MYB: variants seen among roughly 807,000 people sequenced by gnomAD.
The protein encoded by MYB is MYB proto-oncogene, transcription factor.
A neutral mutation model predicts 92.9 loss-of-function variants in MYB; 28 were observed. The ratio of observed to expected loss-of-function variants is 0.30; its 90% CI spans 0.22 to 0.41. The LOEUF (loss-of-function observed/expected upper bound fraction) is 0.41. MYB is among the 10% of genes least tolerant of loss of function. MYB has a pLI of 1.00. For missense variants in MYB, 679 were observed against 929.3 expected, an observed-to-expected ratio of 0.73 and a Z score of 3.50; for synonymous variants, 295 against 329.1, an observed-to-expected ratio of 0.90 and a Z score of 1.12.
chr6:135,208,163 C>T (rs1422636223), intron 15 of MYB, among the ~76,000 whole-genome samples: 4 of 145,060 alleles, frequency 2.8e-5, no homozygotes, highest in Non-Finnish European at 6.0e-5. Flanking sequence ...ACTGCAACCT[C>T]CACCTCTTGG....
intron 9 of MYB, 170 bp from the exon 10 acceptor site, chr6:135,196,791 C>T: frequency 6.4e-7 from 1 of 1,554,752 alleles, no homozygotes; most frequent in Non-Finnish European, 8.7e-7. Context: ...CCACTAGACC[C>T]TGCTCTACTG....
intron 3 of MYB, 35 bp from the exon 4 acceptor site, chr6:135,189,756 A>G (rs1003208106): frequency 1.6e-5 from 25 of 1,569,100 alleles, no homozygotes; most frequent in South Asian, 2.2e-5. Flanking sequence ...TTATCACATC[A>G]TATCTTTATG....
At chr6:135,213,504 GTTGATAATAC>G (rs767103828) in intron 15 of MYB, among the ~76,000 whole-genome samples, 61 of 152,272 alleles carry the variant, frequency 4.0e-4, no homozygotes, top group African/African-American at 1.4e-3. Context: ...AATAGATTCA[GTTGATAATAC>G]TTAGTACTAG....
chr6:135,198,785 A>T (rs1249535000), intron 10 of MYB, 123 bp from the exon 11 acceptor site: 2 of 728,484 alleles, frequency 2.7e-6, no homozygotes, highest in Non-Finnish European at 4.4e-6. Context: ...GCTTGTTAGC[A>T]TCTTTATTAT....
chr6:135,193,330 A>G (rs1776872610), intron 6 of MYB, among the ~76,000 whole-genome samples: 1 of 152,222 alleles, frequency 6.6e-6, no homozygotes, highest in Non-Finnish European at 1.5e-5. Context: ...TATGCAAAAC[A>G]TGTTCATAAA....
chr6:135,197,418 T>C (rs1456559874), intron 10 of MYB, 95 bp downstream of exon 10: 1 of 1,120,376 alleles, frequency 8.9e-7, no homozygotes, highest in Non-Finnish European at 1.3e-6. Context: ...AATGACTAAT[T>C]ACTGCTGCCT....
At chr6:135,184,322 C>CTTTTT in intron 1 of MYB, among the ~76,000 whole-genome samples, 21 of 68,408 alleles carry the variant, frequency 3.1e-4, no homozygotes, top group Non-Finnish European at 3.4e-4. Flanking sequence ...GGCTTTATAG[C>CTTTTT]TTTTTTTTTT....
intron 1 of MYB, among the ~76,000 whole-genome samples, chr6:135,183,625 C>G (rs1040260954): frequency 2.6e-5 from 4 of 152,190 alleles, no homozygotes; most frequent in Admixed American, 2.0e-4. Context: ...TTAGAGCAAG[C>G]AAATCGCATG....
intron 2 of MYB, among the ~76,000 whole-genome samples, chr6:135,186,287 C>T (rs1455392541): frequency 1.3e-5 from 2 of 152,194 alleles, no homozygotes; most frequent in Non-Finnish European, 2.9e-5. Context: ...TTTTGTCCCA[C>T]CTCTTCTTCC....
intron 11 of MYB, 134 bp from the exon 12 acceptor site, chr6:135,199,951 A>T: frequency 1.5e-6 from 1 of 683,714 alleles, no homozygotes; most frequent in Non-Finnish European, 2.5e-6. Flanking sequence ...TAACGTGATT[A>T]ATCAGCACAC....
chr6:135,204,608 G>T (rs80199679), intron 15 of MYB, among the ~76,000 whole-genome samples: 1 of 152,134 alleles, frequency 6.6e-6, no homozygotes, highest in Non-Finnish European at 1.5e-5. Flanking sequence ...TAGCCAGTGC[G>T]TAGTATTATT....
At position 135,197,148 on chromosome 6, in the gene MYB, C is replaced by A; in HGVS notation, c.1391C>A (p.Pro464His). The A allele has an allele frequency of 6.2e-7, 1 of 1,613,980 alleles. No individual in the cohort carries two copies. The highest frequency in any genetic ancestry group is 8.5e-7 in the Non-Finnish European group (1 of 1,179,882). Residue 464 changes from proline (P) to histidine (H), a missense_variant, in exon 10 of 16, where the codon CCC becomes CAC. Physicochemically the swap from Pro to His is moderately conservative, Grantham distance 77. Transcript: ENST00000341911. ...TTGAGTGAGAGTTCACTTGACCCACCCAAGGTCTTACCTCCTGCAAGGCAC... is the reference window on the plus strand; with the variant it reads ...TTGAGTGAGAGTTCACTTGACCCACACAAGGTCTTACCTCCTGCAAGGCAC... ...RMLSESSLDP[P>H]KVLPPARHST...
In MYB at chr6:135,190,375, T is replaced by A. The variant is rs775518401; in HGVS notation, c.527+28T>A. 6.4e-7 allele frequency: 1 copy of A among 1,565,010 alleles called. No homozygotes were observed. The highest frequency in any genetic ancestry group is 8.8e-7 in the Non-Finnish European group (1 of 1,137,430). On this transcript the variant is annotated intron_variant, in intron 5 of 15. Coordinates refer to ENST00000341911, the MANE Select transcript of MYB (RefSeq NM_001130173.2). The surrounding 1 kb of genome is among the most constrained non-coding windows in gnomAD (Gnocchi z 4.5). ...AATAATATGTCAAAAAATATATTGA[T>A]CGGGAAGAATGAGGGAGTGGGTATT...
In MYB at chr6:135,192,499, A is replaced by G; in HGVS notation, c.703A>G (p.Thr235Ala). The G allele has an allele frequency of 6.2e-7, 1 of 1,614,258 alleles. No individual in the cohort carries two copies. Among genetic ancestry groups the G allele is most frequent in the Non-Finnish European group, 8.5e-7 (1 of 1,180,036 alleles). The change falls in exon 6 of 16, where the codon ACT becomes GCT. Residue 235 changes from threonine (T) to alanine (A), a missense_variant. Around this residue, in one of 8 missense-constraint regions of MYB, gnomAD observed 32 missense variants for 29.9 expected, o/e 1.07. Transcript: ENST00000341911. ...QAPPTAQLPA[T>A]GQPTVNNDYS... ...TCCGCCTACAGCTCAACTCCCTGCC[A>G]CTGGCCAGCCCACTGTTAACAACGA...
chr6:135,194,954 T>G lies in MYB; in HGVS notation c.948+494T>G, dbSNP rs528291785. On this transcript the variant is annotated intron_variant, in intron 8 of 15. Transcript: ENST00000341911. The stretch of plus-strand genomic sequence containing the variant: ...AGCTGCTCTCTTTTATTTGCATGTG[T>G]GAAAGTTATGTGGGCCATTACTGAA... 2.3e-6 allele frequency: 3 copies of G among 1,330,152 alleles called. No homozygotes were observed. The Admixed American group carries it at 6.1e-5, about 27-fold the overall frequency. The allele number at this position is 1,330,152 out of a possible 1,614,324, so 82.4% of individuals were successfully genotyped here. A position where few individuals can be genotyped will look rare whatever the true frequency, so the allele number is the denominator to read the frequency against.
In MYB at chr6:135,196,050, G is replaced by T. The variant is rs755821700; in HGVS notation, c.1203+48G>T. ...GTTAACGATTCTGGAAGATAAATTA[G>T]AAAACCCATTTCTTAAATCATTGCC... On this transcript the variant is annotated intron_variant, in intron 9 of 15. Transcript: ENST00000341911. 4.4e-6 allele frequency: 7 copies of T among 1,576,884 alleles called. No individual in the cohort carries two copies. In the African/African-American group the frequency reaches 9.5e-5, roughly 21 times the overall value.
At chr6:135,186,571 C>G (rs1476273182) in intron 2 of MYB, among the ~76,000 whole-genome samples, 1 of 152,162 alleles carries the variant, frequency 6.6e-6, no homozygotes, top group Non-Finnish European at 1.5e-5. Context: ...ACTTGCTACT[C>G]CCAAAAACAA....
intron 15 of MYB, among the ~76,000 whole-genome samples, chr6:135,204,932 ACC>A (rs1583366595): frequency 6.6e-6 from 1 of 151,842 alleles, no homozygotes; most frequent in Non-Finnish European, 1.5e-5. Flanking sequence ...ACACGGTGAA[ACC>A]CCATCTCTAC....
chr6:135,200,298 A>G lies in MYB; in HGVS notation c.1833A>G (p.Thr611=). The G allele has an allele frequency of 6.2e-7, 1 of 1,613,936 alleles. No individual in the cohort carries two copies. The change falls in exon 13 of 16, where the codon ACA becomes ACG. Residue 611 remains threonine (T), a synonymous_variant. Coordinates refer to ENST00000341911, the MANE Select transcript of MYB (RefSeq NM_001130173.2). The part of the protein sequence containing the change: ...KYGPLKMLPQ[T]PSHLVEDLQD... ...CCCACTCTTCCGTTTAGCCTCAGAC[A>G]CCCTCTCATCTAGTAGAAGATCTGC...
Sources: gnomAD v4.1 joint callset for allele counts (sites outside exome capture counted in the v4.1 genomes callset) on GRCh38, gnomAD v4.1.1 for gene constraint, gnomAD v4.1.1 regional missense constraint, Gnocchi (gnomAD v3.1) non-coding constraint, MANE v1.5 for transcripts, NCBI Gene and HGNC (gene_info 2026-07-23, HGNC 2026-07-21) for gene names.